AP1S3: variants seen among roughly 807,000 people sequenced by gnomAD.
AP1S3 encodes the protein adaptor related protein complex 1 subunit sigma 3, also known as AP-1 complex subunit sigma-3.
In AP1S3, 10 loss-of-function variants were observed where a neutral mutation model predicts 20.9. That is an observed-to-expected ratio of 0.48 (90% CI 0.29 to 0.81). The LOEUF is 0.81. Among genes scored for constraint, AP1S3 ranks in the 30% least tolerant of loss-of-function variants. The pLI, the probability that AP1S3 is intolerant of heterozygous loss-of-function variation, is 0.08. For missense variants in AP1S3, 154 were observed against 183.8 expected (o/e 0.84, Z 0.94); for synonymous variants, 41 against 61.5 (o/e 0.67, Z 1.56).
At chr2:223,777,621 C>A in intron 2 of AP1S3, 70 bp downstream of exon 2, 1 of 1,395,906 alleles carries the variant, frequency 7.2e-7, no homozygotes, top group East Asian at 2.4e-5. Flanking sequence ...GTATAGCAAT[C>A]TAAAATGTTC....
intron 1 of AP1S3, among the ~76,000 whole-genome samples, chr2:223,815,455 C>G (rs188902907): frequency 3.2e-4 from 49 of 152,250 alleles, no homozygotes; most frequent in Non-Finnish European, 5.4e-4. Flanking sequence ...ACCCAACTCT[C>G]AAAACAAAAA....
intron 1 of AP1S3, among the ~76,000 whole-genome samples, chr2:223,836,780 C>T (rs941170683): frequency 1.7e-4 from 26 of 152,092 alleles, no homozygotes; most frequent in Admixed American, 1.4e-3. Context: ...TAAAACGTCC[C>T]CGAGGTTTCC....
At position 223,758,489 on chromosome 2, in the gene AP1S3, T is replaced by C; in HGVS notation, c.*226A>G. On this transcript the variant is annotated 3_prime_UTR_variant, in exon 5 of 5. Coordinates refer to ENST00000396654, the MANE Select transcript of AP1S3 (RefSeq NM_001039569.2). ...GGTAGTTACTTTAAACATTTAGAGCTACAAGTACCTATACAGTATAACACA... is the reference window on the plus strand; with the variant it reads ...GGTAGTTACTTTAAACATTTAGAGCCACAAGTACCTATACAGTATAACACA... 7 of 1,203,008 alleles carry C rather than the reference T, an allele frequency of 5.8e-6. No individual in the cohort carries two copies. The highest frequency in any genetic ancestry group is 7.2e-6 in the Non-Finnish European group (7 of 969,680). 74.5% of individuals were successfully genotyped at this position (1,203,008 alleles called of 1,614,324 possible). A position where few individuals can be genotyped will look rare whatever the true frequency, so the allele number is the denominator to read the frequency against.
chr2:223,807,820 A>G (rs1422450556), intron 1 of AP1S3, among the ~76,000 whole-genome samples: 11 of 125,294 alleles, frequency 8.8e-5, no homozygotes, highest in Non-Finnish European at 1.3e-4. Flanking sequence ...GAGCCAATTG[A>G]GCCTCTTTTT....
chr2:223,766,275 GTTGT>G (rs1041088465), intron 3 of AP1S3, among the ~76,000 whole-genome samples: 1 of 152,054 alleles, frequency 6.6e-6, no homozygotes, highest in Non-Finnish European at 1.5e-5. Context: ...TTTTGATGGG[GTTGT>G]TTTTTTTCTT....
At chr2:223,825,034 G>A (rs1249836524) in intron 1 of AP1S3, among the ~76,000 whole-genome samples, 2 of 152,138 alleles carry the variant, frequency 1.3e-5, no homozygotes, top group East Asian at 3.9e-4. Flanking sequence ...CCTCGGCCGG[G>A]CTCGGTGGCT....
intron 1 of AP1S3, among the ~76,000 whole-genome samples, chr2:223,837,124 G>C (rs1692419689): frequency 6.6e-6 from 1 of 151,968 alleles, no homozygotes. Flanking sequence ...TGGAGAACAG[G>C]GGCTCCTCCT....
chr2:223,758,175 T>C lies in AP1S3; in HGVS notation c.*540A>G, dbSNP rs1341831850. On this transcript the variant is annotated 3_prime_UTR_variant, in exon 5 of 5. Coordinates refer to ENST00000396654, the MANE Select transcript of AP1S3 (RefSeq NM_001039569.2). ...AATAAATGAATTCAGCACATTAAAA[T>C]CAGACATTTTGTATGTGAATTGCAG... 8.2e-6 allele frequency: 8 copies of C among 981,036 alleles called. No individual in the cohort carries two copies. Among genetic ancestry groups the C allele is most frequent in the Non-Finnish European group, 8.5e-6 (7 of 825,520 alleles). The allele number at this position is 981,036 out of a possible 1,614,324, so 60.8% of individuals were successfully genotyped here. A position where few individuals can be genotyped will look rare whatever the true frequency, so the allele number is the denominator to read the frequency against.
chr2:223,784,191 T>C (rs1309222103), intron 1 of AP1S3, among the ~76,000 whole-genome samples: 1 of 152,136 alleles, frequency 6.6e-6, no homozygotes, highest in Non-Finnish European at 1.5e-5. Flanking sequence ...GAATCTCCAG[T>C]AGTACTCGGA....
At chr2:223,802,713 A>G (rs1274940299) in intron 1 of AP1S3, among the ~76,000 whole-genome samples, 1 of 152,204 alleles carries the variant, frequency 6.6e-6, no homozygotes, top group Non-Finnish European at 1.5e-5. Flanking sequence ...ATGTTGGATC[A>G]CAGTGTGAAA....
intron 1 of AP1S3, among the ~76,000 whole-genome samples, chr2:223,809,100 A>G (rs1691653743): frequency 1.3e-5 from 2 of 152,240 alleles, no homozygotes. Context: ...TGTTATTAAT[A>G]TAATAGTTAG....
chr2:223,820,380 TA>T (rs1331715190), intron 1 of AP1S3, among the ~76,000 whole-genome samples: 4 of 152,202 alleles, frequency 2.6e-5, no homozygotes, highest in Non-Finnish European at 5.9e-5. Context: ...ATTGCCAGAA[TA>T]TTTTTTTTCA....
intron 1 of AP1S3, among the ~76,000 whole-genome samples, chr2:223,833,510 G>A (rs939603066): frequency 1.3e-5 from 2 of 152,166 alleles, no homozygotes; most frequent in Admixed American, 6.6e-5. Context: ...TGAAATCTCT[G>A]TGCCAGAAAC....
Position 223,758,545 on chromosome 2 carries a change from C to G in AP1S3, c.*170G>C. 3 of 1,334,820 alleles carry G rather than the reference C, an allele frequency of 2.2e-6. No homozygotes were observed. Among genetic ancestry groups the G allele is most frequent in the Non-Finnish European group, 2.9e-6 (3 of 1,043,278 alleles). The allele number at this position is 1,334,820 out of a possible 1,614,324, so 82.7% of individuals were successfully genotyped here. Reference sequence around the variant, plus strand: ...ATAATTTTTTTTAATAATACAGACACATAGTAATTATAAATATGTTAAACA... The same window carrying G: ...ATAATTTTTTTTAATAATACAGACAGATAGTAATTATAAATATGTTAAACA... On this transcript the variant is annotated 3_prime_UTR_variant, in exon 5 of 5. Coordinates refer to ENST00000396654, the MANE Select transcript of AP1S3 (RefSeq NM_001039569.2).
chr2:223,796,034 G>A (rs563581343), intron 1 of AP1S3, among the ~76,000 whole-genome samples: 6 of 152,196 alleles, frequency 3.9e-5, no homozygotes, highest in East Asian at 1.9e-4. Context: ...TTAGCCAGAC[G>A]CGGTGGCAGG....
chr2:223,826,735 C>T (rs912977605), intron 1 of AP1S3, among the ~76,000 whole-genome samples: 6 of 152,098 alleles, frequency 3.9e-5, no homozygotes, highest in African/African-American at 1.4e-4. Context: ...CTCACTGCAA[C>T]CTCTGCCTTC....
rs982690705 is a variant in AP1S3, at chr2:223,760,198, G to A, written c.430-1448C>T. Among the ~76,000 whole-genome samples, 18 of 152,036 alleles carry A rather than the reference G, an allele frequency of 1.2e-4. No homozygotes were observed. In the East Asian group the frequency reaches 1.3e-3, roughly 11 times the overall value. On this transcript the variant is annotated intron_variant, in intron 4 of 4. Coordinates refer to ENST00000396654, the MANE Select transcript of AP1S3 (RefSeq NM_001039569.2). ...CCAAGTTGAATCAATAAGAAAGCTCGAGAGGACAAAAAATCACCTGCCTCT... is the reference window on the plus strand; with the variant it reads ...CCAAGTTGAATCAATAAGAAAGCTCAAGAGGACAAAAAATCACCTGCCTCT...
At chr2:223,770,426 G>C in intron 3 of AP1S3, 3 of 1,476,020 alleles carry the variant, frequency 2.0e-6, no homozygotes, top group Non-Finnish European at 1.8e-6. Context: ...CAGCCATGGG[G>C]CAATTAATTT....
chr2:223,818,231 A>G (rs931633037), intron 1 of AP1S3, among the ~76,000 whole-genome samples: 3 of 152,146 alleles, frequency 2.0e-5, no homozygotes, highest in Non-Finnish European at 2.9e-5. Context: ...AGGCTGGGCA[A>G]TATGGCAAAA....
Sources: allele counts gnomAD v4.1 joint callset (sites outside exome capture counted in the v4.1 genomes callset), GRCh38; gene constraint gnomAD v4.1.1; transcripts MANE v1.5; gene names NCBI Gene and HGNC (gene_info 2026-07-23, HGNC 2026-07-21).